Variants in CELF4 observed in about 807,000 individuals in gnomAD.
CELF4 encodes CUGBP Elav-like family member 4, also known as CUG-BP- and ETR-3-like factor 4.
Under a neutral mutation model 59.9 loss-of-function variants are expected in CELF4, and 18 were observed. The ratio of observed to expected loss-of-function variants is 0.30; its 90% CI spans 0.21 to 0.45. The LOEUF (loss-of-function observed/expected upper bound fraction) is 0.45. Ranked by LOEUF, CELF4 falls within the 20% of genes least tolerant of loss-of-function variation. The pLI, the probability that CELF4 is intolerant of heterozygous loss-of-function variation, is 1.00. For missense variants in CELF4, 456 were observed against 689.0 expected, an observed-to-expected ratio of 0.66 and a Z score of 3.79; for synonymous variants, 261 against 267.1, an observed-to-expected ratio of 0.98 and a Z score of 0.22.
intron 1 of CELF4, among the ~76,000 whole-genome samples, chr18:37,561,485 T>G (rs748718821): frequency 7.2e-5 from 11 of 152,208 alleles, no homozygotes; most frequent in Admixed American, 1.3e-4. Flanking sequence ...AATATGGCTA[T>G]CCAGAGAGCA....
chr18:37,421,113 C>T (rs2099575145), intron 2 of CELF4, among the ~76,000 whole-genome samples: 1 of 152,238 alleles, frequency 6.6e-6, no homozygotes, highest in African/African-American at 2.4e-5. Flanking sequence ...CCCAACATCC[C>T]TCTCCGGGCA....
intron 9 of CELF4, among the ~76,000 whole-genome samples, chr18:37,265,194 C>T (rs551407350): frequency 4.8e-5 from 7 of 144,736 alleles, no homozygotes; most frequent in Admixed American, 2.0e-4. Flanking sequence ...TGTACATGCA[C>T]GTGTGTGGGT....
intron 3 of CELF4, among the ~76,000 whole-genome samples, chr18:37,315,580 G>A (rs1026692389): frequency 5.3e-5 from 8 of 152,182 alleles, no homozygotes; most frequent in African/African-American, 1.9e-4. Flanking sequence ...TGTCTGCTCT[G>A]TGTCTGGAGG....
intron 1 of CELF4, among the ~76,000 whole-genome samples, chr18:37,498,539 C>T (rs1223975378): frequency 6.6e-6 from 1 of 151,410 alleles, no homozygotes; most frequent in African/African-American, 2.4e-5. Flanking sequence ...CTCCCTCCCT[C>T]CCTTCCTGTC....
At chr18:37,530,586 G>A (rs1478978630) in intron 1 of CELF4, among the ~76,000 whole-genome samples, 1 of 152,124 alleles carries the variant, frequency 6.6e-6, no homozygotes, top group African/African-American at 2.4e-5. Flanking sequence ...ATCAGGAGGT[G>A]TGCACAAAGC....
intron 2 of CELF4, among the ~76,000 whole-genome samples, chr18:37,383,523 ACT>A (rs1348710085): frequency 6.6e-6 from 1 of 152,146 alleles, no homozygotes; most frequent in Non-Finnish European, 1.5e-5. Flanking sequence ...CCAGCTGAAA[ACT>A]CTGTTATACA....
At chr18:37,499,259 C>T (rs17750345) in intron 1 of CELF4, among the ~76,000 whole-genome samples, 7 of 152,062 alleles carry the variant, frequency 4.6e-5, no homozygotes, top group Admixed American at 1.3e-4. Flanking sequence ...TGACAGGAGG[C>T]GGTAATGAGC....
At chr18:37,301,754 C>T (rs2096056438) in intron 3 of CELF4, among the ~76,000 whole-genome samples, 1 of 152,252 alleles carries the variant, frequency 6.6e-6, no homozygotes, top group Non-Finnish European at 1.5e-5. Context: ...CGGAAGGCCT[C>T]ACTCGGCTAA....
intron 3 of CELF4, among the ~76,000 whole-genome samples, chr18:37,295,772 C>G (rs4799910): frequency 0.48 from 72,975 of 152,062 alleles, 17,923 homozygotes; most frequent in South Asian, 0.62. Flanking sequence ...ATACAGCATC[C>G]GAAGGGAGGC....
At chr18:37,274,625 C>T in intron 5 of CELF4, 171 bp from the exon 6 acceptor site, 9 of 1,507,784 alleles carry the variant, frequency 6.0e-6, no homozygotes, top group Non-Finnish European at 7.1e-6. Context: ...CATTTTCCAC[C>T]TGGGTAACCT....
At chr18:37,282,076 G>C (rs1182982465) in intron 3 of CELF4, among the ~76,000 whole-genome samples, 1 of 152,196 alleles carries the variant, frequency 6.6e-6, no homozygotes, top group Non-Finnish European at 1.5e-5. Context: ...CCCCAGGCAG[G>C]TCTGGAATTA....
At chr18:37,450,620 C>T (rs1472769375) in intron 2 of CELF4, among the ~76,000 whole-genome samples, 1 of 152,104 alleles carries the variant, frequency 6.6e-6, no homozygotes, top group African/African-American at 2.4e-5. Context: ...TGATGATCTC[C>T]ATGGCTGGAA....
chr18:37,259,349 G>T, intron 10 of CELF4, 85 bp from the exon 11 acceptor site: 1 of 323,976 alleles, frequency 3.1e-6, no homozygotes, highest in Non-Finnish European at 5.2e-6. Context: ...AGCGAGTTAG[G>T]CAGCGCAGCA....
intron 2 of CELF4, among the ~76,000 whole-genome samples, chr18:37,442,562 T>A (rs2099735336): frequency 6.6e-6 from 1 of 152,164 alleles, no homozygotes; most frequent in Non-Finnish European, 1.5e-5. Flanking sequence ...ATGCTACTGC[T>A]GAAGGGGGCT....
chr18:37,529,748 G>T (rs148090789), intron 1 of CELF4, among the ~76,000 whole-genome samples: 1 of 152,124 alleles, frequency 6.6e-6, no homozygotes, highest in Non-Finnish European at 1.5e-5. Flanking sequence ...TTCCCAGGGG[G>T]TATCAGCAAC....
intron 2 of CELF4, among the ~76,000 whole-genome samples, chr18:37,323,958 A>G (rs541716868): frequency 1.2e-4 from 18 of 152,282 alleles, no homozygotes; most frequent in African/African-American, 3.8e-4. Context: ...CCAAGGAGGA[A>G]GTAAGTGGGA....
rs534921823 is a variant in CELF4 at position 37,286,016 on chromosome 18, A to G, written c.449-10773T>C. ...ATAATGGGGCTTTTTTTTCCTTTAC[A>G]TCATGCGGGAGCATAAATTATGGCC... On this transcript the variant is annotated intron_variant, in intron 3 of 12. Transcript: ENST00000420428. Among the ~76,000 whole-genome samples, 67 of 151,974 alleles carry G rather than the reference A, an allele frequency of 4.4e-4. 1 individual carries two copies. In the South Asian group the frequency reaches 0.013, roughly 30 times the overall value.
intron 1 of CELF4, among the ~76,000 whole-genome samples, chr18:37,515,402 G>A (rs1029493742): frequency 6.6e-6 from 1 of 152,098 alleles, no homozygotes; most frequent in Non-Finnish European, 1.5e-5. Flanking sequence ...TGCTTTCCTT[G>A]AGGATCCCAT....
chr18:37,460,014 A>C lies in CELF4; in HGVS notation c.369+25511T>G, dbSNP rs115416162. On this transcript the variant is annotated intron_variant, in intron 2 of 12. Coordinates refer to ENST00000420428, the MANE Select transcript of CELF4 (RefSeq NM_020180.4). ...TAGCAATTCCCAGGTACTTGTTACA[A>C]AAACCTAGCAGTTCAAATTCTGAAT... is the stretch of plus-strand genomic sequence containing the variant. Among the ~76,000 whole-genome samples, 701 of 152,330 alleles carry C rather than the reference A, an allele frequency of 4.6e-3. 9 individuals carry two copies. Among genetic ancestry groups the C allele is most frequent in the African/African-American group, 0.016 (679 of 41,586 alleles).
Sources: allele counts gnomAD v4.1 joint callset (sites outside exome capture counted in the v4.1 genomes callset), GRCh38; gene constraint gnomAD v4.1.1; transcripts MANE v1.5; gene names NCBI Gene and HGNC (gene_info 2026-07-23, HGNC 2026-07-21).